Variants in CALN1 observed in about 807,000 individuals in gnomAD.
CALN1 encodes the protein calcium-binding protein 8.
CALN1 carries 17 observed loss-of-function variants against 30.6 expected under a neutral mutation model. The ratio of observed to expected loss-of-function variants is 0.56; its 90% CI spans 0.38 to 0.83. CALN1 has a LOEUF of 0.83. Among genes scored for constraint, CALN1 ranks in the 40% least tolerant of loss-of-function variants. The pLI, the probability that CALN1 is intolerant of heterozygous loss-of-function variation, is 0.00. For synonymous variants in CALN1, 156 were observed against 131.4 expected (o/e 1.19, Z -1.28); for missense variants, 291 against 354.9 (o/e 0.82, Z 1.45).
Position 72,439,975 on chromosome 7 carries a change from T to G in CALN1, c.-226+7067A>C, listed in dbSNP as rs148739560. Reference sequence around the variant, plus strand: ...GGTGGTGGAGGCAGAAAAAGATCCATGTATAAGTGGCCCCTTATAGTTCAA... The same window carrying G: ...GGTGGTGGAGGCAGAAAAAGATCCAGGTATAAGTGGCCCCTTATAGTTCAA... On this transcript the variant is annotated intron_variant, in intron 1 of 6. Transcript: ENST00000395276. Among the ~76,000 whole-genome samples, 377 of 152,272 alleles carry G rather than the reference T, an allele frequency of 2.5e-3. 2 individuals carry two copies. The highest frequency in any genetic ancestry group is 8.7e-3 in the African/African-American group (360 of 41,544).
At position 71,787,841 on chromosome 7, in the gene CALN1, A is replaced by G. The variant is rs140495509; in HGVS notation, c.720T>C (p.Ala240=). 1.2e-6 allele frequency: 2 copies of G among 1,614,190 alleles called. No individual in the cohort carries two copies. Among genetic ancestry groups the G allele is most frequent in the East Asian group, 2.2e-5 (1 of 44,878 alleles). The change falls in exon 7 of 7, where the codon GCT becomes GCC. Residue 240 remains alanine, a synonymous_variant. Coordinates refer to ENST00000395275, the MANE Select transcript of CALN1 (RefSeq NM_031468.4). ...GCATGACACTGATGATGAAGGCCAT[A>G]GCAAAGGCGCATATGAGGCTCTTCC... ...CVRKSLICAF[A]MAFIISVMLI...
chr7:72,112,919 G>T (rs1404105286), intron 3 of CALN1, among the ~76,000 whole-genome samples: 1 of 152,158 alleles, frequency 6.6e-6, no homozygotes, highest in Non-Finnish European at 1.5e-5. Context: ...GGCTGTTGGG[G>T]TTACGCTTGA....
intron 5 of CALN1, among the ~76,000 whole-genome samples, chr7:71,966,786 C>T (rs548869155): frequency 1.1e-3 from 169 of 152,224 alleles, no homozygotes; most frequent in African/African-American, 3.8e-3. Context: ...GTGGTCACTA[C>T]CCCCATTGAA....
chr7:72,288,884 T>C (rs1029872796), intron 2 of CALN1, among the ~76,000 whole-genome samples: 4 of 152,352 alleles, frequency 2.6e-5, no homozygotes, highest in East Asian at 1.9e-4. Flanking sequence ...TCGATACTTA[T>C]GTAAACTTTT....
At chr7:72,401,885 A>G (rs946147809) in intron 2 of CALN1, among the ~76,000 whole-genome samples, 1 of 149,948 alleles carries the variant, frequency 6.7e-6, no homozygotes, top group Admixed American at 6.7e-5. Flanking sequence ...CTCAATTCTT[A>G]CCTCCTTTTC....
intron 2 of CALN1, among the ~76,000 whole-genome samples, chr7:72,361,271 C>T (rs542678063): frequency 2.6e-5 from 4 of 152,244 alleles, no homozygotes; most frequent in African/African-American, 9.6e-5. Flanking sequence ...GAGCCTTGGT[C>T]CCTGGGGCTG....
intron 5 of CALN1, among the ~76,000 whole-genome samples, chr7:71,941,877 T>C (rs1796150481): frequency 1.3e-5 from 2 of 152,102 alleles, no homozygotes; most frequent in Non-Finnish European, 1.5e-5. Flanking sequence ...TTGGGAGACA[T>C]TCTGACTGCC....
intron 5 of CALN1, among the ~76,000 whole-genome samples, chr7:71,818,698 T>G (rs1788410956): frequency 6.7e-6 from 1 of 148,746 alleles, no homozygotes; most frequent in Non-Finnish European, 1.5e-5. Flanking sequence ...ATTTATTTAT[T>G]TATTTATTTA....
At chr7:72,253,525 C>CA (rs1795705144) in intron 3 of CALN1, among the ~76,000 whole-genome samples, 1 of 152,204 alleles carries the variant, frequency 6.6e-6, no homozygotes. Context: ...GAAAGGGAAA[C>CA]AAGCACATCT....
chr7:72,134,615 G>A (rs1809379776), intron 3 of CALN1, among the ~76,000 whole-genome samples: 1 of 152,182 alleles, frequency 6.6e-6, no homozygotes, highest in Non-Finnish European at 1.5e-5. Flanking sequence ...TAAAATATAT[G>A]AACAATCATC....
intron 4 of CALN1, among the ~76,000 whole-genome samples, chr7:72,052,830 G>C (rs1378492957): frequency 6.6e-6 from 1 of 152,186 alleles, no homozygotes; most frequent in South Asian, 2.1e-4. Context: ...AGAAGACTTA[G>C]GTAAGAACTT....
In CALN1 at chr7:71,993,046, C is replaced by CT. The variant is rs147083273; in HGVS notation, c.501+30610dup. Among the ~76,000 whole-genome samples, 1,262 of 151,752 alleles carry CT rather than the reference C, an allele frequency of 8.3e-3. 20 individuals are homozygous for CT. The highest frequency in any genetic ancestry group is 0.028 in the African/African-American group (1,142 of 41,308). On this transcript the variant is annotated intron_variant, in intron 5 of 6. Transcript: ENST00000395275. ...AAAGAGAACCATTGGAGAAGAAAGG[C>CT]TTTTTTTTGCTACCACCCCCACCCC...
At chr7:72,288,467 T>C (rs1798251241) in intron 2 of CALN1, among the ~76,000 whole-genome samples, 1 of 152,144 alleles carries the variant, frequency 6.6e-6, no homozygotes, top group Non-Finnish European at 1.5e-5. Context: ...TGTCACTGAA[T>C]ACAGCCAACA....
At chr7:72,053,785 C>G (rs1802993515) in intron 4 of CALN1, among the ~76,000 whole-genome samples, 1 of 150,692 alleles carries the variant, frequency 6.6e-6, no homozygotes, top group Non-Finnish European at 1.5e-5. Context: ...TATCCCTCAC[C>G]CCCCTCCCAC....
At chr7:72,016,995 A>G (rs767290668) in intron 5 of CALN1, among the ~76,000 whole-genome samples, 119 of 138,650 alleles carry the variant, frequency 8.6e-4, no homozygotes, top group Non-Finnish European at 1.5e-3. Flanking sequence ...TTTACTAAAA[A>G]TACAAAAAAA....
intron 3 of CALN1, among the ~76,000 whole-genome samples, chr7:72,189,963 G>A (rs1481981515): frequency 2.6e-5 from 4 of 152,136 alleles, no homozygotes; most frequent in African/African-American, 7.2e-5. Context: ...CTGTATCAGC[G>A]TTTTTTACTG....
chr7:71,832,936 C>G (rs540822169), intron 5 of CALN1, among the ~76,000 whole-genome samples: 42 of 152,266 alleles, frequency 2.8e-4, no homozygotes, highest in African/African-American at 9.9e-4. Flanking sequence ...TATCATCCAG[C>G]CTTGTCATTG....
At chr7:72,164,223 C>G (rs944632244) in intron 3 of CALN1, among the ~76,000 whole-genome samples, 3 of 151,806 alleles carry the variant, frequency 2.0e-5, no homozygotes, top group African/African-American at 7.3e-5. Flanking sequence ...CAAAAATTAG[C>G]CGGGCATGGT....
intron 6 of CALN1, among the ~76,000 whole-genome samples, chr7:71,803,787 G>A (rs979177359): frequency 6.6e-6 from 1 of 152,060 alleles, no homozygotes; most frequent in Non-Finnish European, 1.5e-5. Flanking sequence ...ACCCAGCCAG[G>A]CTTGCCCACT....
Sources: allele counts gnomAD v4.1 joint callset (sites outside exome capture counted in the v4.1 genomes callset), GRCh38; gene constraint gnomAD v4.1.1; transcripts MANE v1.5; gene names NCBI Gene and HGNC (gene_info 2026-07-23, HGNC 2026-07-21).